The following NKAIN3 variants were observed in gnomAD, a reference collection of about 807,000 sequenced individuals.
The protein encoded by NKAIN3 is sodium/potassium-transporting ATPase subunit beta-1-interacting protein 3.
Under a neutral mutation model 30.2 loss-of-function variants are expected in NKAIN3, and 25 were observed. The observed-to-expected ratio is 0.83, with a 90% confidence interval of 0.60 to 1.16. The LOEUF is 1.16. NKAIN3 is among the 50% of genes most tolerant of loss of function. The pLI is 0.00. For synonymous variants in NKAIN3, 91 were observed against 89.6 expected, an observed-to-expected ratio of 1.02 and a Z score of -0.09; for missense variants, 225 against 254.1, an observed-to-expected ratio of 0.89 and a Z score of 0.78.
At chr8:62,506,860 T>C (rs1807661531) in intron 1 of NKAIN3, among the ~76,000 whole-genome samples, 1 of 152,134 alleles carries the variant, frequency 6.6e-6, no homozygotes, top group Non-Finnish European at 1.5e-5. Flanking sequence ...ACAGAGAACA[T>C]TGGAGATCCC....
At chr8:62,670,338 C>T (rs77230098) in intron 3 of NKAIN3, among the ~76,000 whole-genome samples, 5,890 of 152,214 alleles carry the variant, frequency 0.039, 182 homozygotes, top group African/African-American at 0.084. Flanking sequence ...TAATCATAGA[C>T]ATTTCCTTTA....
At position 62,870,237 on chromosome 8, in the gene NKAIN3, T is replaced by TATCTATAGATCTATATATAG. The variant is rs1325876819; in HGVS notation, c.472-48206_472-48205insCTATATATAGATCTATAGAT. Among the ~76,000 whole-genome samples the TATCTATAGATCTATATATAG allele has an allele frequency of 1.4e-5, 2 of 141,466 alleles. 1 individual carries two copies. Among genetic ancestry groups the TATCTATAGATCTATATATAG allele is most frequent in the African/African-American group, 5.5e-5 (2 of 36,404 alleles). 92.8% of individuals were successfully genotyped at this position (141,466 alleles called of 152,430 possible). A position where few individuals can be genotyped will look rare whatever the true frequency, so the allele number is the denominator to read the frequency against. ...ATATATATCTATATCTATATATAGA[T>TATCTATAGATCTATATATAG]ATCTATAGATATCTATATATATATC... On this transcript the variant is annotated intron_variant, in intron 4 of 6. Coordinates refer to ENST00000623646, the MANE Select transcript of NKAIN3 (RefSeq NM_001304533.3).
chr8:62,503,770 C>A (rs1171739080), intron 1 of NKAIN3, among the ~76,000 whole-genome samples: 1 of 152,056 alleles, frequency 6.6e-6, no homozygotes, highest in Non-Finnish European at 1.5e-5. Context: ...TTAGCCCAAC[C>A]CCGCAGGCAG....
chr8:62,385,372 T>C (rs1817393366), intron 1 of NKAIN3, among the ~76,000 whole-genome samples: 1 of 152,168 alleles, frequency 6.6e-6, no homozygotes, highest in Non-Finnish European at 1.5e-5. Flanking sequence ...TTACATATTA[T>C]AAACTGAAAC....
rs1170194140 is a variant in NKAIN3 at position 62,973,450 on chromosome 8, C to A, written c.*8043C>A. ...TGAGATTTTTTTTTACGTTTGTTGG[C>A]TGCATAAATGTCTTCTTTTAAGAAG... On this transcript the variant is annotated 3_prime_UTR_variant, in exon 7 of 7. Coordinates refer to ENST00000623646, the MANE Select transcript of NKAIN3 (RefSeq NM_001304533.3). Among the ~76,000 whole-genome samples the A allele has an allele frequency of 6.6e-6, 1 of 152,130 alleles. No homozygotes were observed. The highest frequency in any genetic ancestry group is 2.1e-4 in the South Asian group (1 of 4,834).
chr8:62,306,957 T>G (rs1322937473), intron 1 of NKAIN3, among the ~76,000 whole-genome samples: 1 of 150,286 alleles, frequency 6.7e-6, no homozygotes, highest in Admixed American at 6.6e-5. Flanking sequence ...CAGTTTTATT[T>G]CTCAGTATAC....
intron 3 of NKAIN3, among the ~76,000 whole-genome samples, chr8:62,680,271 A>G (rs773298702): frequency 1.2e-4 from 18 of 152,198 alleles, no homozygotes; most frequent in Non-Finnish European, 2.6e-4. Flanking sequence ...CCTCCAGGAG[A>G]AAAACACAGC....
chr8:62,952,556 G>T (rs144183534), intron 5 of NKAIN3, among the ~76,000 whole-genome samples: 2 of 152,110 alleles, frequency 1.3e-5, no homozygotes, highest in African/African-American at 4.8e-5. Flanking sequence ...TTGAAGAACT[G>T]CTTTGTAAAT....
chr8:62,432,522 CA>C, intron 1 of NKAIN3, among the ~76,000 whole-genome samples: 1 of 152,120 alleles, frequency 6.6e-6, no homozygotes, highest in Admixed American at 6.6e-5. Flanking sequence ...TAATCTGTGA[CA>C]AAAACTGTAC....
chr8:62,774,395 A>G (rs1817119584), intron 4 of NKAIN3, among the ~76,000 whole-genome samples: 1 of 152,102 alleles, frequency 6.6e-6, no homozygotes, highest in South Asian at 2.1e-4. Flanking sequence ...GATGCCCTTT[A>G]TTTCTTTCTC....
At chr8:62,310,719 G>A (rs920900763) in intron 1 of NKAIN3, among the ~76,000 whole-genome samples, 2 of 150,292 alleles carry the variant, frequency 1.3e-5, no homozygotes, top group African/African-American at 5.0e-5. Context: ...ATCCTCGGGG[G>A]TTGTACGGTC....
chr8:62,618,504 G>A (rs545855070), intron 3 of NKAIN3, among the ~76,000 whole-genome samples: 6 of 151,980 alleles, frequency 3.9e-5, no homozygotes, highest in African/African-American at 7.2e-5. Context: ...TGCTTCGCTC[G>A]CTCGTGGTGG....
chr8:62,432,247 C>A (rs1399347503), intron 1 of NKAIN3, among the ~76,000 whole-genome samples: 1 of 151,684 alleles, frequency 6.6e-6, no homozygotes, highest in Non-Finnish European at 1.5e-5. Flanking sequence ...CTAAAGAATC[C>A]CTGCAGAAGT....
At chr8:62,636,465 CAAT>C (rs1812132655) in intron 3 of NKAIN3, among the ~76,000 whole-genome samples, 1 of 152,058 alleles carries the variant, frequency 6.6e-6, no homozygotes, top group South Asian at 2.1e-4. Flanking sequence ...GTAAAATGGA[CAAT>C]AATGTTTCTC....
In NKAIN3 at chr8:62,289,600, A is replaced by G. The variant is rs557717180; in HGVS notation, c.54+40473A>G. Among the ~76,000 whole-genome samples the G allele has an allele frequency of 3.3e-3, 504 of 152,212 alleles. 1 individual carries two copies. Among genetic ancestry groups the G allele is most frequent in the African/African-American group, 0.011 (477 of 41,524 alleles). Reference sequence around the variant, plus strand: ...GGGCTCTATTCTATTCTATTGGTCTATATCTCTGTTTTGGTACTGGTACCA... The same window carrying G: ...GGGCTCTATTCTATTCTATTGGTCTGTATCTCTGTTTTGGTACTGGTACCA... On this transcript the variant is annotated intron_variant, in intron 1 of 6. Transcript: ENST00000623646.
chr8:62,865,450 T>G (rs1820387823), intron 4 of NKAIN3, among the ~76,000 whole-genome samples: 1 of 152,154 alleles, frequency 6.6e-6, no homozygotes, highest in South Asian at 2.1e-4. Context: ...GTACTGTTGT[T>G]TGACATTTTG....
At chr8:62,634,530 C>G (rs1812066453) in intron 3 of NKAIN3, among the ~76,000 whole-genome samples, 1 of 152,186 alleles carries the variant, frequency 6.6e-6, no homozygotes, top group African/African-American at 2.4e-5. Context: ...GCAACAGGAC[C>G]TAGACCAAAC....
At chr8:62,276,359 C>T (rs1812961707) in intron 1 of NKAIN3, among the ~76,000 whole-genome samples, 2 of 152,150 alleles carry the variant, frequency 1.3e-5, no homozygotes, top group African/African-American at 4.8e-5. Context: ...AGCCACTGCG[C>T]CCAGCCTGAT....
chr8:62,803,286 T>C (rs1261171549), intron 4 of NKAIN3, among the ~76,000 whole-genome samples: 1 of 152,074 alleles, frequency 6.6e-6, no homozygotes, highest in African/African-American at 2.4e-5. Context: ...TACAGAACTC[T>C]CCACCCCAAA....
Sources: allele counts gnomAD v4.1 joint callset (sites outside exome capture counted in the v4.1 genomes callset), GRCh38; gene constraint gnomAD v4.1.1; transcripts MANE v1.5; gene names NCBI Gene and HGNC (gene_info 2026-07-23, HGNC 2026-07-21).